The following ATXN7L1 variants were observed in gnomAD, a reference collection of about 807,000 sequenced individuals.
ATXN7L1 encodes ataxin 7 like 1, also known as ataxin-7-like protein 1.
ATXN7L1 carries 15 observed loss-of-function variants against 70.8 expected under a neutral mutation model. That is an observed-to-expected ratio of 0.21 (90% CI 0.14 to 0.33). The LOEUF is 0.33. Ranked by LOEUF, ATXN7L1 falls within the 10% of genes least tolerant of loss-of-function variation. The pLI, the probability that ATXN7L1 is intolerant of heterozygous loss-of-function variation, is 1.00. For missense variants in ATXN7L1, 975 were observed against 1,097.1 expected (o/e 0.89, Z 1.57); for synonymous variants, 440 against 445.1 (o/e 0.99, Z 0.14).
At chr7:105,633,235 C>A (rs972954516) in intron 7 of ATXN7L1, among the ~76,000 whole-genome samples, 1 of 152,112 alleles carries the variant, frequency 6.6e-6, no homozygotes, top group Non-Finnish European at 1.5e-5. Context: ...TCACAGGAAG[C>A]TAATGAAAGA....
At chr7:105,681,810 A>G (rs1805592474) in intron 3 of ATXN7L1, among the ~76,000 whole-genome samples, 1 of 152,226 alleles carries the variant, frequency 6.6e-6, no homozygotes, top group African/African-American at 2.4e-5. Flanking sequence ...GATTCCACTT[A>G]CATGAGGTGC....
intron 2 of ATXN7L1, among the ~76,000 whole-genome samples, chr7:105,838,495 A>AC (rs1469117655): frequency 1.3e-5 from 2 of 152,078 alleles, no homozygotes; most frequent in African/African-American, 4.8e-5. Context: ...CATAGGCCAC[A>AC]CCCCTAGGGA....
At chr7:105,612,183 T>C (rs1489475867) in intron 10 of ATXN7L1, among the ~76,000 whole-genome samples, 1 of 152,222 alleles carries the variant, frequency 6.6e-6, no homozygotes, top group African/African-American at 2.4e-5. Flanking sequence ...CCAAAATGCC[T>C]GGGTTTAAAT....
chr7:105,619,140 G>GTTTTTTTTTTTTTGTTTTTT (rs1794393115), intron 9 of ATXN7L1, among the ~76,000 whole-genome samples: 2 of 49,846 alleles, frequency 4.0e-5, no homozygotes, highest in Non-Finnish European at 6.6e-5. Context: ...GAAATCTTTA[G>GTTTTTTTTTTTTTGTTTTTT]TTTTTTTTTT....
intron 11 of ATXN7L1, 96 bp from the exon 12 acceptor site, chr7:105,607,986 T>C (rs1205147362): frequency 8.6e-6 from 10 of 1,156,082 alleles, no homozygotes; most frequent in Non-Finnish European, 1.3e-5. Flanking sequence ...TCATCTATAA[T>C]AGAAAGGACA....
At chr7:105,715,133 A>G (rs533628469) in intron 3 of ATXN7L1, among the ~76,000 whole-genome samples, 6 of 152,304 alleles carry the variant, frequency 3.9e-5, no homozygotes, top group Admixed American at 3.9e-4. Flanking sequence ...AACTTGAAGT[A>G]TAGACTTCAC....
chr7:105,772,317 G>T (rs867846542), intron 3 of ATXN7L1, among the ~76,000 whole-genome samples: 1 of 151,964 alleles, frequency 6.6e-6, no homozygotes, highest in Non-Finnish European at 1.5e-5. Context: ...CAGGTGATCC[G>T]CCTGCCTAGG....
intron 3 of ATXN7L1, among the ~76,000 whole-genome samples, chr7:105,759,296 A>G (rs1264938909): frequency 1.3e-5 from 2 of 151,376 alleles, no homozygotes; most frequent in Non-Finnish European, 2.9e-5. Context: ...CAGCGCTGAG[A>G]TGATAAATGC....
Position 105,801,292 on chromosome 7 carries a change from A to G in ATXN7L1, c.251-12584T>C, listed in dbSNP as rs1161945672. On this transcript the variant is annotated intron_variant, in intron 2 of 11. Transcript: ENST00000419735. ...CCTTGAACTTCCAGGCTTCTAAACC[A>G]CAGGGTGAGCAAACAGTAGATGAGG... 2.6e-5 allele frequency among the ~76,000 whole-genome samples: 4 copies of G among 152,344 alleles called. No individual in the cohort carries two copies. The East Asian group carries it at 7.7e-4, about 29-fold the overall frequency.
chr7:105,770,420 A>T (rs1801827891), intron 3 of ATXN7L1, among the ~76,000 whole-genome samples: 1 of 152,220 alleles, frequency 6.6e-6, no homozygotes, highest in Non-Finnish European at 1.5e-5. Context: ...GTTACTACTT[A>T]GGAGTGTATC....
chr7:105,693,075 C>G (rs1486974307), intron 3 of ATXN7L1, among the ~76,000 whole-genome samples: 3 of 152,210 alleles, frequency 2.0e-5, no homozygotes, highest in Non-Finnish European at 4.4e-5. Flanking sequence ...CAGAGTGCAT[C>G]AAGCAGTATC....
At chr7:105,659,838 C>A (rs563391128) in intron 4 of ATXN7L1, among the ~76,000 whole-genome samples, 1 of 152,246 alleles carries the variant, frequency 6.6e-6, no homozygotes, top group South Asian at 2.1e-4. Context: ...ATCTCTTGAC[C>A]CCTGGTTCCA....
At position 105,747,795 on chromosome 7, in the gene ATXN7L1, G is replaced by C. The variant is rs367676175; in HGVS notation, c.355+40809C>G. On this transcript the variant is annotated intron_variant, in intron 3 of 11. Transcript: ENST00000419735. Reference sequence around the variant, plus strand: ...CTGTGGAAGTGATTGTTTGCTTGGTGGTGGGAAAAACTCCAACATGTTTGG... The same window carrying C: ...CTGTGGAAGTGATTGTTTGCTTGGTCGTGGGAAAAACTCCAACATGTTTGG... Among the ~76,000 whole-genome samples the C allele has an allele frequency of 3.5e-4, 54 of 152,280 alleles. No homozygotes were observed. In the East Asian group the frequency reaches 9.8e-3, roughly 28 times the overall value.
intron 4 of ATXN7L1, among the ~76,000 whole-genome samples, chr7:105,656,082 G>T (rs1346386017): frequency 1.3e-5 from 2 of 152,214 alleles, no homozygotes; most frequent in Non-Finnish European, 2.9e-5. Context: ...CCTCCTCTCT[G>T]CCTCCTGCCC....
At chr7:105,666,108 C>T (rs1390025472) in intron 3 of ATXN7L1, among the ~76,000 whole-genome samples, 1 of 152,120 alleles carries the variant, frequency 6.6e-6, no homozygotes, top group South Asian at 2.1e-4. Context: ...AGTGTGCACC[C>T]GCTATGGGGT....
intron 8 of ATXN7L1, among the ~76,000 whole-genome samples, chr7:105,623,571 G>A (rs890183693): frequency 6.6e-6 from 1 of 152,130 alleles, no homozygotes; most frequent in Non-Finnish European, 1.5e-5. Flanking sequence ...ACACACACAC[G>A]CTCAGTTCTG....
chr7:105,822,607 A>G (rs1300752027), intron 2 of ATXN7L1, among the ~76,000 whole-genome samples: 1 of 152,200 alleles, frequency 6.6e-6, no homozygotes, highest in East Asian at 1.9e-4. Context: ...AGTTTATAAA[A>G]CACCTACAGA....
chr7:105,823,418 G>A (rs1351607492), intron 2 of ATXN7L1, among the ~76,000 whole-genome samples: 2 of 152,142 alleles, frequency 1.3e-5, no homozygotes, highest in Admixed American at 6.5e-5. Context: ...TTCTTGAATC[G>A]TAACAGGCCC....
At chr7:105,731,823 T>C (rs1478530166) in intron 3 of ATXN7L1, among the ~76,000 whole-genome samples, 1 of 91,590 alleles carries the variant, frequency 1.1e-5, no homozygotes, top group Non-Finnish European at 2.2e-5. Flanking sequence ...CTGGGTGCAG[T>C]GGCTCAGGCC....
Sources: allele counts gnomAD v4.1 joint callset (sites outside exome capture counted in the v4.1 genomes callset), GRCh38; gene constraint gnomAD v4.1.1; transcripts MANE v1.5; gene names NCBI Gene and HGNC (gene_info 2026-07-23, HGNC 2026-07-21).